The following LRP1B variants were observed in gnomAD, a reference collection of about 807,000 sequenced individuals.
LRP1B encodes LDL receptor related protein 1B, also known as low-density lipoprotein receptor-related protein 1B.
Under a neutral mutation model 556.6 loss-of-function variants are expected in LRP1B, and 217 were observed. The ratio of observed to expected loss-of-function variants is 0.39; its 90% CI spans 0.35 to 0.44. The LOEUF (loss-of-function observed/expected upper bound fraction) is 0.44, where lower values mean the gene tolerates loss of function less well. Among genes scored for constraint, LRP1B ranks in the 20% least tolerant of loss-of-function variants. The pLI, the probability that LRP1B is intolerant of heterozygous loss-of-function variation, is 1.00. For missense variants in LRP1B, 5,053 were observed against 5,620.8 expected (o/e 0.90, Z 3.23); for synonymous variants, 2,047 against 1,865.8 (o/e 1.10, Z -2.50).
chr2:140,539,807 T>C (rs1021725313), intron 45 of LRP1B, among the ~76,000 whole-genome samples: 4 of 152,148 alleles, frequency 2.6e-5, no homozygotes, highest in Non-Finnish European at 4.4e-5. Flanking sequence ...CAAAGAAATA[T>C]GGGAATTTGT....
Position 141,254,579 on chromosome 2 carries a change from T to C in LRP1B, c.406A>G (p.Thr136Ala). ...QYKCTMVRNS[T>A]RCYCEDGFEI... is the part of the protein sequence containing the mutation. ...AATCCATCCTCACAGTAACATCTTG[T>C]ACTATTTCTGACCATTGTACATTTA... Residue 136 changes from threonine (T) to alanine (A), a missense_variant, in exon 4 of 91, where the codon ACA becomes GCA. Around this residue, in one of 5 missense-constraint regions of LRP1B, gnomAD observed 3,619 missense variants for 3,931.9 expected, o/e 0.92. Transcript: ENST00000389484. 2 of 1,611,870 alleles carry C rather than the reference T, an allele frequency of 1.2e-6. No individual in the cohort carries two copies.
intron 59 of LRP1B, among the ~76,000 whole-genome samples, chr2:140,483,597 GACACAC>G (rs1226188096): frequency 8.4e-6 from 1 of 118,524 alleles, no homozygotes; most frequent in Admixed American, 8.9e-5. Flanking sequence ...CATATATATA[GACACAC>G]ACACACACAC....
intron 20 of LRP1B, among the ~76,000 whole-genome samples, chr2:140,926,056 C>CT (rs70991119): frequency 0.18 from 15,866 of 85,848 alleles, 1,396 homozygotes; most frequent in East Asian, 0.38. Flanking sequence ...TGGAGATTTT[C>CT]TTTTTTTTTT....
intron 2 of LRP1B, among the ~76,000 whole-genome samples, chr2:141,633,823 A>G (rs1173814139): frequency 6.6e-6 from 1 of 152,046 alleles, no homozygotes; most frequent in African/African-American, 2.4e-5. Flanking sequence ...AGGTAAAACT[A>G]TAAAAATTAA....
At chr2:140,798,224 T>G (rs1054400134) in intron 32 of LRP1B, among the ~76,000 whole-genome samples, 1 of 152,190 alleles carries the variant, frequency 6.6e-6, no homozygotes, top group African/African-American at 2.4e-5. Flanking sequence ...TGGCTCATGA[T>G]AGTCACTTGA....
At chr2:142,126,818 C>T (rs1055300375) in intron 1 of LRP1B, among the ~76,000 whole-genome samples, 1 of 151,824 alleles carries the variant, frequency 6.6e-6, no homozygotes, top group African/African-American at 2.4e-5. Flanking sequence ...AAAGTTCCCT[C>T]AACATCATAA....
chr2:142,073,866 G>A (rs1314335989), intron 1 of LRP1B, among the ~76,000 whole-genome samples: 1 of 151,822 alleles, frequency 6.6e-6, no homozygotes, highest in African/African-American at 2.4e-5. Flanking sequence ...TGCACTGCTG[G>A]CTTCCCCTTC....
At chr2:141,253,066 A>C (rs1297646135) in intron 4 of LRP1B, among the ~76,000 whole-genome samples, 1 of 152,204 alleles carries the variant, frequency 6.6e-6, no homozygotes, top group Admixed American at 6.6e-5. Context: ...GCAGAGCTTG[A>C]TTACTACAGG....
At chr2:140,635,546 T>G in intron 41 of LRP1B, among the ~76,000 whole-genome samples, 1 of 152,032 alleles carries the variant, frequency 6.6e-6, no homozygotes, top group Admixed American at 6.5e-5. Context: ...CTGTAATGAC[T>G]TTGGAGCTGA....
intron 3 of LRP1B, among the ~76,000 whole-genome samples, chr2:141,399,551 T>A (rs1006124387): frequency 9.2e-5 from 14 of 152,176 alleles, no homozygotes; most frequent in Non-Finnish European, 1.8e-4. Context: ...TCTGTAAATC[T>A]CATGGTTACT....
At chr2:141,596,258 A>C (rs1162249340) in intron 2 of LRP1B, among the ~76,000 whole-genome samples, 1 of 152,072 alleles carries the variant, frequency 6.6e-6, no homozygotes, top group Non-Finnish European at 1.5e-5. Flanking sequence ...GAATGAAAAA[A>C]ATGTTTGGAG....
intron 84 of LRP1B, among the ~76,000 whole-genome samples, chr2:140,275,588 A>C (rs1259191552): frequency 2.0e-4 from 30 of 151,968 alleles, no homozygotes; most frequent in Non-Finnish European, 1.5e-5. Context: ...TATTTTCTGC[A>C]TGCCTGAGCA....
chr2:141,848,028 A>G (rs1697713910), intron 1 of LRP1B, among the ~76,000 whole-genome samples: 1 of 151,592 alleles, frequency 6.6e-6, no homozygotes, highest in African/African-American at 2.4e-5. Flanking sequence ...CACAACCAAT[A>G]CATGAAAGGA....
chr2:140,986,345 C>T (rs1437789057), intron 17 of LRP1B, among the ~76,000 whole-genome samples: 1 of 151,986 alleles, frequency 6.6e-6, no homozygotes, highest in African/African-American at 2.4e-5. Context: ...TCTCTTCGTG[C>T]ACAGGTATTA....
intron 1 of LRP1B, among the ~76,000 whole-genome samples, chr2:141,816,629 C>T (rs1264936143): frequency 6.6e-6 from 1 of 152,066 alleles, no homozygotes; most frequent in African/African-American, 2.4e-5. Flanking sequence ...GGGACTGCAC[C>T]TTGTGATTGT....
intron 41 of LRP1B, among the ~76,000 whole-genome samples, chr2:140,663,437 A>T (rs1401153015): frequency 6.6e-6 from 1 of 152,198 alleles, no homozygotes; most frequent in Non-Finnish European, 1.5e-5. Context: ...TGGAAAACTT[A>T]CTGCAGCTTC....
At chr2:140,792,764 G>C (rs1287471253) in intron 32 of LRP1B, among the ~76,000 whole-genome samples, 1 of 152,088 alleles carries the variant, frequency 6.6e-6, no homozygotes, top group Non-Finnish European at 1.5e-5. Context: ...AGGAGGAATA[G>C]TAGTGCTTTC....
intron 1 of LRP1B, among the ~76,000 whole-genome samples, chr2:141,813,583 A>AAAGC (rs1696428899): frequency 6.7e-6 from 1 of 149,000 alleles, no homozygotes; most frequent in Non-Finnish European, 1.5e-5. Flanking sequence ...TTTTTTACTA[A>AAAGC]AAACAAACAA....
At chr2:141,937,333 C>T (rs1055218755) in intron 1 of LRP1B, among the ~76,000 whole-genome samples, 6 of 151,248 alleles carry the variant, frequency 4.0e-5, no homozygotes, top group Admixed American at 2.6e-4. Flanking sequence ...TGCAGTGAGC[C>T]GAGATCGCGC....
Sources: allele counts gnomAD v4.1 joint callset (sites outside exome capture counted in the v4.1 genomes callset), GRCh38; gene constraint gnomAD v4.1.1; regional missense constraint gnomAD v4.1.1; transcripts MANE v1.5; gene names NCBI Gene and HGNC (gene_info 2026-07-23, HGNC 2026-07-21).